Variants in TMEM106B observed in about 807,000 individuals in gnomAD.
TMEM106B encodes the protein transmembrane protein 106B.
TMEM106B carries 15 observed loss-of-function variants against 31.1 expected under a neutral mutation model. The ratio of observed to expected loss-of-function variants is 0.48; its 90% confidence interval spans 0.32 to 0.74. TMEM106B has a LOEUF of 0.74. TMEM106B is among the 30% of genes least tolerant of loss of function. The pLI is 0.03. For missense variants in TMEM106B, 283 were observed against 327.3 expected (o/e 0.86, Z 1.04); for synonymous variants, 126 against 112.5 (o/e 1.12, Z -0.76).
chr7:12,228,948 C>T (rs1026966778), intron 4 of TMEM106B, among the ~76,000 whole-genome samples: 17 of 151,448 alleles, frequency 1.1e-4, no homozygotes, highest in African/African-American at 4.1e-4. Flanking sequence ...TTTTCATTTC[C>T]TGTTAGAGTT....
chr7:12,215,543 A>T, intron 2 of TMEM106B: 1 of 242,976 alleles, frequency 4.1e-6, no homozygotes, highest in Non-Finnish European at 9.2e-6. Context: ...AGCCAGAGTT[A>T]ATGTGTAAGG....
At chr7:12,217,172 A>G (rs891659340) in intron 2 of TMEM106B, among the ~76,000 whole-genome samples, 2 of 152,218 alleles carry the variant, frequency 1.3e-5, no homozygotes, top group South Asian at 2.1e-4. Context: ...GATCTACTGC[A>G]CAAGAACAAA....
In TMEM106B at chr7:12,240,519, G is replaced by C. The variant is rs946461448; in HGVS notation, c.*8544G>C. ...AATTACTATTTTTAAAATCTTGTAT[G>C]AGGTAGTATGATTTGAAATTAGATG... On this transcript the variant is annotated 3_prime_UTR_variant, in exon 8 of 8. Transcript: ENST00000396668. 8.5e-5 allele frequency: 13 copies of C among 152,214 alleles called. No individual in the cohort carries two copies. Among genetic ancestry groups the C allele is most frequent in the African/African-American group, 3.1e-4 (13 of 41,544 alleles). The allele number at this position is 152,214 out of a possible 1,614,324, so 9.4% of individuals were successfully genotyped here. A position where few individuals can be genotyped will look rare whatever the true frequency, so the allele number is the denominator to read the frequency against.
At chr7:12,219,320 G>A (rs138545602) in intron 3 of TMEM106B, among the ~76,000 whole-genome samples, 6 of 152,256 alleles carry the variant, frequency 3.9e-5, no homozygotes, top group African/African-American at 1.4e-4. Flanking sequence ...CAAATACTTT[G>A]TATATCAACA....
intron 1 of TMEM106B, among the ~76,000 whole-genome samples, 153 bp from the exon 2 acceptor site, chr7:12,214,656 A>G (rs1781650543): frequency 6.6e-6 from 1 of 152,094 alleles, no homozygotes; most frequent in Non-Finnish European, 1.5e-5. Flanking sequence ...GGCCTTGTTC[A>G]CTCATTTTTG....
chr7:12,230,060 A>AG (rs397975394), intron 5 of TMEM106B, among the ~76,000 whole-genome samples: 23 of 151,414 alleles, frequency 1.5e-4, no homozygotes, highest in African/African-American at 5.1e-4. Flanking sequence ...CTACAAAAAA[A>AG]TACAAAAATG....
chr7:12,236,391 T>C lies in TMEM106B; in HGVS notation c.*4416T>C, dbSNP rs961693855. 1 of 151,950 alleles carries C rather than the reference T, an allele frequency of 6.6e-6. No individual in the cohort carries two copies. The highest frequency in any genetic ancestry group is 1.5e-5 in the Non-Finnish European group (1 of 67,874). 9.4% of individuals were successfully genotyped at this position (151,950 alleles called of 1,614,324 possible). ...AGACTCTAAATTGAAAAATGTAGTA[T>C]GATCTATATTTGACCCTAAAAATGT... On this transcript the variant is annotated 3_prime_UTR_variant, in exon 8 of 8. Transcript: ENST00000396668.
intron 3 of TMEM106B, among the ~76,000 whole-genome samples, chr7:12,221,257 G>A (rs1196382721): frequency 2.6e-5 from 4 of 152,148 alleles, no homozygotes; most frequent in Admixed American, 2.6e-4. Context: ...TAAGTGACTT[G>A]AAAACATTGT....
rs1478945295 is a variant in TMEM106B, at chr7:12,235,427, C to G, written c.*3452C>G. On this transcript the variant is annotated 3_prime_UTR_variant, in exon 8 of 8. Coordinates refer to ENST00000396668, the MANE Select transcript of TMEM106B (RefSeq NM_001134232.2). ...TCTGTGCCTTGTTAGGCCAGTGAAG[C>G]AATTATTTTCTCTAAGAAAATGACA... The G allele has an allele frequency of 6.6e-6, 1 of 151,986 alleles. No individual in the cohort carries two copies. The highest frequency in any genetic ancestry group is 1.5e-5 in the Non-Finnish European group (1 of 67,784). 9.4% of individuals were successfully genotyped at this position (151,986 alleles called of 1,614,324 possible).
rs71027485 is a variant in TMEM106B at position 12,237,816 on chromosome 7, TACACACAC to T, written c.*5874_*5881del. On this transcript the variant is annotated 3_prime_UTR_variant, in exon 8 of 8. Transcript: ENST00000396668. ...CGAGACCCCATATAAAATATATACA[TACACACAC>T]ACACACACACACACACACACACACA... 1,218 of 124,824 alleles carry T rather than the reference TACACACAC, an allele frequency of 9.8e-3. 14 individuals are homozygous for T. Among genetic ancestry groups the T allele is most frequent in the Middle Eastern group, 0.02 (5 of 256 alleles). The allele number at this position is 124,824 out of a possible 1,614,324, so 7.7% of individuals were successfully genotyped here. A position where few individuals can be genotyped will look rare whatever the true frequency, so the allele number is the denominator to read the frequency against.
At chr7:12,229,454 T>C (rs1781967326) in intron 4 of TMEM106B, among the ~76,000 whole-genome samples, 2 of 152,164 alleles carry the variant, frequency 1.3e-5, no homozygotes, top group African/African-American at 4.8e-5. Context: ...AAGCTATACA[T>C]TTTGTTTTTT....
At position 12,238,332 on chromosome 7, in the gene TMEM106B, C is replaced by G. The variant is rs564734856; in HGVS notation, c.*6357C>G. 2 of 152,476 alleles carry G rather than the reference C, an allele frequency of 1.3e-5. No individual in the cohort carries two copies. Among genetic ancestry groups the G allele is most frequent in the African/African-American group, 4.8e-5 (2 of 41,568 alleles). 9.4% of individuals were successfully genotyped at this position (152,476 alleles called of 1,614,324 possible). A position where few individuals can be genotyped will look rare whatever the true frequency, so the allele number is the denominator to read the frequency against. ...TCAGTCACATCTACAGACTCCATTGCTAAATTTTAGTTCTCTTGCTATTTC... is the reference window on the plus strand; with the variant it reads ...TCAGTCACATCTACAGACTCCATTGGTAAATTTTAGTTCTCTTGCTATTTC... On this transcript the variant is annotated 3_prime_UTR_variant, in exon 8 of 8. Transcript: ENST00000396668.
rs781033051 is a variant in TMEM106B at position 12,231,252 on chromosome 7, A to T, written c.686+137A>T. On this transcript the variant is annotated intron_variant, in intron 7 of 7. Transcript: ENST00000396668. ...AGCCTTACAAGAGTGCTATGAGTAA[A>T]TATCACCCACTTTAAAAATTACGAA... 5 of 605,028 alleles carry T rather than the reference A, an allele frequency of 8.3e-6. No individual in the cohort carries two copies. The African/African-American group carries it at 9.8e-5, about 12-fold the overall frequency. 37.5% of individuals were successfully genotyped at this position (605,028 alleles called of 1,614,324 possible).
rs781422597 is a variant in TMEM106B, at chr7:12,214,848, G to A, written c.38G>A (p.Ser13Asn). Reference sequence around the variant, plus strand: ...CTTTCTCATTTGCCTTTGCATTCAAGCAAAGAAGATGCTTATGATGGAGTC... The same window carrying A: ...CTTTCTCATTTGCCTTTGCATTCAAACAAAGAAGATGCTTATGATGGAGTC... ...KSLSHLPLHS[S>N]KEDAYDGVTS... Residue 13 changes from serine to asparagine, a missense_variant, in exon 2 of 8, where the codon AGC becomes AAC. By Grantham distance (46) the Ser-to-Asn change is conservative (BLOSUM62 1). This residue lies in a region of TMEM106B where 77 missense variants were observed against 89.4 expected (regional missense o/e 0.86). Coordinates refer to ENST00000396668, the MANE Select transcript of TMEM106B (RefSeq NM_001134232.2). 2 of 1,613,648 alleles carry A rather than the reference G, an allele frequency of 1.2e-6. No individual in the cohort carries two copies. Among genetic ancestry groups the A allele is most frequent in the South Asian group, 1.1e-5 (1 of 91,062 alleles).
intron 3 of TMEM106B, among the ~76,000 whole-genome samples, chr7:12,223,514 T>A (rs1199924492): frequency 3.3e-5 from 5 of 151,350 alleles, no homozygotes; most frequent in Non-Finnish European, 5.9e-5. Flanking sequence ...CTAAGATGGT[T>A]CTGATGAGCA....
intron 4 of TMEM106B, among the ~76,000 whole-genome samples, chr7:12,228,446 A>C (rs1781948836): frequency 9.0e-6 from 1 of 111,658 alleles, no homozygotes; most frequent in South Asian, 3.3e-4. Context: ...AATCTTTCCT[A>C]ATTATCTGAC....
intron 1 of TMEM106B, among the ~76,000 whole-genome samples, chr7:12,212,079 A>T (rs1312035251): frequency 6.6e-6 from 1 of 152,218 alleles, no homozygotes; most frequent in African/African-American, 2.4e-5. Context: ...AGAGAAGGCA[A>T]GGGATTCCCA....
intron 4 of TMEM106B, among the ~76,000 whole-genome samples, chr7:12,229,411 A>G (rs1781966810): frequency 6.6e-6 from 1 of 152,214 alleles, no homozygotes; most frequent in African/African-American, 2.4e-5. Flanking sequence ...TATTTAATAG[A>G]ATAGGAAACA....
chr7:12,215,646 G>T, intron 2 of TMEM106B: 1 of 386,740 alleles, frequency 2.6e-6, no homozygotes, highest in Non-Finnish European at 5.5e-6. Context: ...TCGAATTCTT[G>T]GGCTCAAGCG....
Sources: gnomAD v4.1 joint callset for allele counts (sites outside exome capture counted in the v4.1 genomes callset) on GRCh38, gnomAD v4.1.1 for gene constraint, gnomAD v4.1.1 regional missense constraint, MANE v1.5 for transcripts, NCBI Gene and HGNC (gene_info 2026-07-23, HGNC 2026-07-21) for gene names.